The following WWOX variants were observed in gnomAD, a reference collection of about 807,000 sequenced individuals.
WWOX encodes WW domain-containing oxidoreductase.
A neutral mutation model predicts 46.2 loss-of-function variants in WWOX; 69 were observed. That is an observed-to-expected ratio of 1.49 (90% CI 1.23 to 1.82). The LOEUF (loss-of-function observed/expected upper bound fraction) is 1.82. Among genes scored for constraint, WWOX ranks in the 40% most tolerant of loss-of-function variants. The probability of loss-of-function intolerance (pLI) is 0.00; values close to 1 mark genes in which losing one functional copy is unlikely to be tolerated. For missense variants in WWOX, 919 were observed against 542.6 expected (o/e 1.69, Z -6.89); for synonymous variants, 359 against 202.6 (o/e 1.77, Z -6.56).
chr16:78,927,491 G>A (rs1422934926), intron 8 of WWOX, among the ~76,000 whole-genome samples: 3 of 152,112 alleles, frequency 2.0e-5, no homozygotes, highest in Non-Finnish European at 2.9e-5. Flanking sequence ...GCCTCAGCAC[G>A]GAGCCCAGAG....
intron 8 of WWOX, among the ~76,000 whole-genome samples, chr16:78,772,730 G>C (rs2050094253): frequency 6.6e-6 from 1 of 152,162 alleles, no homozygotes; most frequent in African/African-American, 2.4e-5. Context: ...AAGAACCTAG[G>C]TAAGTTGGCT....
At chr16:78,165,484 AG>A (rs2034940271) in intron 5 of WWOX, among the ~76,000 whole-genome samples, 1 of 152,154 alleles carries the variant, frequency 6.6e-6, no homozygotes, top group African/African-American at 2.4e-5. Flanking sequence ...TCCCCAAGGA[AG>A]AAGTGATTGA....
intron 8 of WWOX, among the ~76,000 whole-genome samples, chr16:79,189,051 A>T (rs1447023119): frequency 2.6e-5 from 4 of 152,210 alleles, no homozygotes; most frequent in Non-Finnish European, 5.9e-5. Context: ...TGAAAAAGAA[A>T]AGAAAAAAAA....
intron 4 of WWOX, among the ~76,000 whole-genome samples, chr16:78,133,336 G>A (rs1021043216): frequency 2.6e-5 from 4 of 152,166 alleles, no homozygotes; most frequent in Non-Finnish European, 4.4e-5. Flanking sequence ...TCTCGGCTCA[G>A]TGCAAGGTCC....
At chr16:78,997,532 T>A (rs1337209197) in intron 8 of WWOX, among the ~76,000 whole-genome samples, 1 of 152,218 alleles carries the variant, frequency 6.6e-6, no homozygotes, top group Non-Finnish European at 1.5e-5. Flanking sequence ...CTTTGCTCTT[T>A]CTGGCTTTCA....
intron 8 of WWOX, among the ~76,000 whole-genome samples, chr16:78,516,281 A>G (rs895936937): frequency 6.6e-6 from 1 of 152,050 alleles, no homozygotes; most frequent in Non-Finnish European, 1.5e-5. Flanking sequence ...TGGCTTTTAC[A>G]AGAACACTGT....
Position 78,689,350 on chromosome 16 carries a change from A to G in WWOX, c.1056+256598A>G, listed in dbSNP as rs146527242. On this transcript the variant is annotated intron_variant, in intron 8 of 8. Coordinates refer to ENST00000566780, the MANE Select transcript of WWOX (RefSeq NM_016373.4). ...CTCATGCTCTCTAAACACCCCAGAC[A>G]TCATATCTCTTTAAGAAACTCTGGC... Among the ~76,000 whole-genome samples the G allele has an allele frequency of 5.6e-3, 846 of 152,304 alleles. 7 individuals carry two copies. The highest frequency in any genetic ancestry group is 0.034 in the Middle Eastern group (10 of 294).
chr16:78,577,697 A>G lies in WWOX; in HGVS notation c.1056+144945A>G, dbSNP rs146673140. Reference sequence around the variant, plus strand: ...GACCTTCTGGACAATTCCCCAATTCATAGCTCTGGGAGACAGTGTGTTGAC... The same window carrying G: ...GACCTTCTGGACAATTCCCCAATTCGTAGCTCTGGGAGACAGTGTGTTGAC... On this transcript the variant is annotated intron_variant, in intron 8 of 8. Coordinates refer to ENST00000566780, the MANE Select transcript of WWOX (RefSeq NM_016373.4). Among the ~76,000 whole-genome samples, 215 of 152,340 alleles carry G rather than the reference A, an allele frequency of 1.4e-3. 5 individuals carry two copies. The East Asian group carries it at 0.037, about 27-fold the overall frequency.
chr16:78,607,857 C>T (rs773017971), intron 8 of WWOX, among the ~76,000 whole-genome samples: 13 of 151,946 alleles, frequency 8.6e-5, no homozygotes, highest in Non-Finnish European at 1.2e-4. Flanking sequence ...ACAATAGGTA[C>T]CTGCAGGGCT....
At chr16:78,962,727 G>A (rs772688955) in intron 8 of WWOX, among the ~76,000 whole-genome samples, 22 of 152,074 alleles carry the variant, frequency 1.4e-4, no homozygotes, top group Non-Finnish European at 1.6e-4. Flanking sequence ...TTATACAACT[G>A]TGTAAACACC....
intron 5 of WWOX, among the ~76,000 whole-genome samples, chr16:78,385,049 G>C (rs778106010): frequency 6.6e-6 from 1 of 151,892 alleles, no homozygotes; most frequent in South Asian, 2.1e-4. Context: ...CAGGAGAATC[G>C]CTTGAGCCCA....
chr16:78,250,232 G>A (rs2037947739), intron 5 of WWOX, among the ~76,000 whole-genome samples: 1 of 152,164 alleles, frequency 6.6e-6, no homozygotes, highest in Admixed American at 6.5e-5. Flanking sequence ...ACGTCTATCT[G>A]GCACATTAGC....
chr16:79,022,306 A>G (rs894463384), intron 8 of WWOX, among the ~76,000 whole-genome samples: 7 of 144,892 alleles, frequency 4.8e-5, no homozygotes, highest in Non-Finnish European at 9.0e-5. Context: ...GTGTGGGGAC[A>G]GATTTTGGGG....
chr16:78,462,201 C>G (rs1045701590), intron 8 of WWOX, among the ~76,000 whole-genome samples: 4 of 152,030 alleles, frequency 2.6e-5, no homozygotes, highest in Admixed American at 6.6e-5. Context: ...CATTCAGAAT[C>G]TCAGCGATGA....
intron 8 of WWOX, among the ~76,000 whole-genome samples, chr16:78,911,934 G>A (rs1240212739): frequency 6.6e-6 from 1 of 152,018 alleles, no homozygotes; most frequent in Non-Finnish European, 1.5e-5. Flanking sequence ...AAGACTCATG[G>A]ATGCTGCTTG....
chr16:78,139,300 G>T (rs542490367), intron 4 of WWOX, among the ~76,000 whole-genome samples: 217 of 152,246 alleles, frequency 1.4e-3, no homozygotes, highest in African/African-American at 5.0e-3. Flanking sequence ...AATTGTCGGG[G>T]GTGGGGTTGG....
At chr16:78,842,875 C>A (rs577133885) in intron 8 of WWOX, among the ~76,000 whole-genome samples, 1 of 149,428 alleles carries the variant, frequency 6.7e-6, no homozygotes, top group Non-Finnish European at 1.5e-5. Context: ...AAATAGAATA[C>A]AAGGGGGGAT....
intron 8 of WWOX, among the ~76,000 whole-genome samples, chr16:78,799,454 C>A (rs968004612): frequency 6.6e-6 from 1 of 152,142 alleles, no homozygotes; most frequent in Non-Finnish European, 1.5e-5. Context: ...ATTTTACTCA[C>A]CAGGGATAGA....
At position 78,368,554 on chromosome 16, in the gene WWOX, C is replaced by G. The variant is rs555549965; in HGVS notation, c.517-18306C>G. On this transcript the variant is annotated intron_variant, in intron 5 of 8. Transcript: ENST00000566780. ...ATAGAGAACATCTATATCCTCAAAC[C>G]AAGGAGAAAAAGGAAGCTGCTGTTC... Among the ~76,000 whole-genome samples, 16 of 152,254 alleles carry G rather than the reference C, an allele frequency of 1.1e-4. No homozygotes were observed. In the South Asian group the frequency reaches 1.9e-3, roughly 18 times the overall value.
Sources: allele counts gnomAD v4.1 joint callset (sites outside exome capture counted in the v4.1 genomes callset), GRCh38; gene constraint gnomAD v4.1.1; transcripts MANE v1.5; gene names NCBI Gene and HGNC (gene_info 2026-07-23, HGNC 2026-07-21).